The following FAXDC2 variants were observed in gnomAD, a reference collection of about 807,000 sequenced individuals.
The protein encoded by FAXDC2 is fatty acid hydroxylase domain containing 2.
A neutral mutation model predicts 40.9 loss-of-function variants in FAXDC2; 41 were observed. That is an observed-to-expected ratio of 1.00 (90% CI 0.78 to 1.30). The LOEUF is 1.30. Among genes scored for constraint, FAXDC2 ranks in the 50% most tolerant of loss-of-function variants. The pLI, the probability that FAXDC2 is intolerant of heterozygous loss-of-function variation, is 0.00. For missense variants in FAXDC2, 390 were observed against 408.8 expected (o/e 0.95, Z 0.40); for synonymous variants, 157 against 149.3 (o/e 1.05, Z -0.38).
intron 2 of FAXDC2, among the ~76,000 whole-genome samples, chr5:154,837,120 ATT>A (rs755819822): frequency 4.2e-4 from 64 of 152,064 alleles, no homozygotes; most frequent in Non-Finnish European, 7.8e-4. Context: ...AGCAGAAGTC[ATT>A]TTTCATGGGC....
intron 2 of FAXDC2, 88 bp from the exon 3 acceptor site, chr5:154,835,022 G>C: frequency 1.2e-6 from 1 of 831,388 alleles, no homozygotes; most frequent in Non-Finnish European, 2.0e-6. Flanking sequence ...GAGTGCTGTA[G>C]GATCAGCATC....
chr5:154,843,636 G>C (rs1760531562), intron 1 of FAXDC2, among the ~76,000 whole-genome samples: 1 of 152,270 alleles, frequency 6.6e-6, no homozygotes, highest in Non-Finnish European at 1.5e-5. Flanking sequence ...TTTCTTCCCA[G>C]ACTGCATTTT....
In FAXDC2 at chr5:154,821,247, A is replaced by G. The variant is rs1316080463; in HGVS notation, c.845+13T>C. On this transcript the variant is annotated intron_variant, in intron 8 of 8. Coordinates refer to ENST00000326080, the MANE Select transcript of FAXDC2 (RefSeq NM_032385.5). ...TGTTGCCTAGGGACCCATTGTGGGGAGAAGGTCCTTACTTGAGATGGTGGT... is the reference window on the plus strand; with the variant it reads ...TGTTGCCTAGGGACCCATTGTGGGGGGAAGGTCCTTACTTGAGATGGTGGT... 1 of 1,608,770 alleles carries G rather than the reference A, an allele frequency of 6.2e-7. No homozygotes were observed. Among genetic ancestry groups the G allele is most frequent in the Admixed American group, 1.7e-5 (1 of 59,272 alleles).
At chr5:154,831,127 G>A in intron 4 of FAXDC2, 1 of 485,792 alleles carries the variant, frequency 2.1e-6, no homozygotes. Flanking sequence ...CATTTTCTTA[G>A]CCATAAAATA....
intron 5 of FAXDC2, among the ~76,000 whole-genome samples, chr5:154,826,889 A>G (rs1202930804): frequency 6.6e-6 from 1 of 152,198 alleles, no homozygotes; most frequent in Non-Finnish European, 1.5e-5. Flanking sequence ...TTTTATATAT[A>G]AAGCAAAAAT....
intron 4 of FAXDC2, 36 bp downstream of exon 4, chr5:154,834,589 C>T: frequency 7.4e-7 from 1 of 1,352,518 alleles, no homozygotes; most frequent in Non-Finnish European, 1.1e-6. Context: ...TAATCATGCA[C>T]CCACATGCTA....
At chr5:154,849,383 T>C (rs1259011779) in intron 1 of FAXDC2, among the ~76,000 whole-genome samples, 1 of 152,180 alleles carries the variant, frequency 6.6e-6, no homozygotes, top group Non-Finnish European at 1.5e-5. Flanking sequence ...CTCCTTTTGC[T>C]GCATGGTACT....
chr5:154,820,537 T>C, intron 8 of FAXDC2, 65 bp from the exon 9 acceptor site: 3 of 1,387,666 alleles, frequency 2.2e-6, no homozygotes, highest in Non-Finnish European at 3.0e-6. Flanking sequence ...CCCATTTCAT[T>C]TGTGCCAGCC....
chr5:154,826,117 C>G (rs888155602), intron 5 of FAXDC2, among the ~76,000 whole-genome samples: 14 of 151,988 alleles, frequency 9.2e-5, no homozygotes, highest in African/African-American at 3.4e-4. Context: ...GAAGAGATAA[C>G]TGGGGGAATG....
At chr5:154,836,933 C>T (rs1297901475) in intron 2 of FAXDC2, among the ~76,000 whole-genome samples, 2 of 152,150 alleles carry the variant, frequency 1.3e-5, no homozygotes, top group Non-Finnish European at 2.9e-5. Flanking sequence ...TCTCAGCATC[C>T]CAAAATGCTG....
Position 154,823,416 on chromosome 5 carries a change from G to C in FAXDC2, c.543C>G (p.Ile181Met). The C allele has an allele frequency of 1.2e-6, 2 of 1,613,858 alleles. No individual in the cohort carries two copies. The highest frequency in any genetic ancestry group is 2.2e-5 in the East Asian group (1 of 44,886). ...FLLELAIFTLIEEVLFYYSHR... is the reference protein window; with the variant it reads ...FLLELAIFTLMEEVLFYYSHR... ...GTGAATAGTAGAACAAGACTTCCTC[G>C]ATCAGCGTGAAGATGGCCAGCTCCA... is the stretch of plus-strand genomic sequence containing the variant. Residue 181 changes from isoleucine to methionine, a missense_variant, in exon 6 of 9, where the codon ATC becomes ATG. Coordinates refer to ENST00000326080, the MANE Select transcript of FAXDC2 (RefSeq NM_032385.5).
chr5:154,832,644 G>GT (rs1365413521), intron 4 of FAXDC2, among the ~76,000 whole-genome samples: 11 of 152,190 alleles, frequency 7.2e-5, no homozygotes, highest in African/African-American at 2.7e-4. Flanking sequence ...AAAGCACACC[G>GT]TAAGACGATC....
intron 1 of FAXDC2, among the ~76,000 whole-genome samples, chr5:154,839,487 T>TAA (rs58433153): frequency 4.9e-5 from 7 of 142,308 alleles, no homozygotes; most frequent in African/African-American, 1.5e-4. Flanking sequence ...CTACAAAAAA[T>TAA]AAAAAAAAAA....
At chr5:154,846,120 A>G (rs1344807724) in intron 1 of FAXDC2, among the ~76,000 whole-genome samples, 1 of 152,088 alleles carries the variant, frequency 6.6e-6, no homozygotes, top group African/African-American at 2.4e-5. Flanking sequence ...TATTAGTGGC[A>G]GAACTTGAAT....
intron 2 of FAXDC2, among the ~76,000 whole-genome samples, chr5:154,836,621 T>G (rs1309793628): frequency 6.6e-6 from 1 of 152,070 alleles, no homozygotes; most frequent in Non-Finnish European, 1.5e-5. Flanking sequence ...GAGGGGATGT[T>G]GGAGGAGCTG....
At chr5:154,835,246 G>T in intron 2 of FAXDC2, 1 of 274,682 alleles carries the variant, frequency 3.6e-6, no homozygotes, top group Non-Finnish European at 7.0e-6. Context: ...ATCAGCCATA[G>T]GATTTCATCA....
chr5:154,823,948 T>C, intron 5 of FAXDC2: 1 of 279,134 alleles, frequency 3.6e-6, no homozygotes, highest in Non-Finnish European at 6.9e-6. Context: ...TGGAGAAGGC[T>C]GTGACTTTCT....
chr5:154,834,762 T>A, intron 3 of FAXDC2, 34 bp from the exon 4 acceptor site: 3 of 1,601,820 alleles, frequency 1.9e-6, no homozygotes, highest in Non-Finnish European at 2.6e-6. Context: ...GGGTGAAGAC[T>A]AGTGGGTGGA....
chr5:154,845,902 C>G (rs1760587802), intron 1 of FAXDC2, among the ~76,000 whole-genome samples: 1 of 151,346 alleles, frequency 6.6e-6, no homozygotes, highest in Non-Finnish European at 1.5e-5. Context: ...TCTCCTGCTT[C>G]AGCCTCCTGA....
Sources: allele counts gnomAD v4.1 joint callset (sites outside exome capture counted in the v4.1 genomes callset), GRCh38; gene constraint gnomAD v4.1.1; transcripts MANE v1.5; gene names NCBI Gene and HGNC (gene_info 2026-07-23, HGNC 2026-07-21).